SLAIN1: variants seen among roughly 807,000 people sequenced by gnomAD.
The protein encoded by SLAIN1 is SLAIN family member 1.
Under a neutral mutation model 55.4 loss-of-function variants are expected in SLAIN1, and 17 were observed. The ratio of observed to expected loss-of-function variants is 0.31; its 90% CI spans 0.21 to 0.46. The LOEUF (loss-of-function observed/expected upper bound fraction) is 0.46, where lower values mean the gene tolerates loss of function less well. SLAIN1 is among the 20% of genes least tolerant of loss of function. The pLI is 1.00. For missense variants in SLAIN1, 682 were observed against 785.1 expected (o/e 0.87, Z 1.57); for synonymous variants, 348 against 337.4 (o/e 1.03, Z -0.35).
rs2154409966 is a variant in SLAIN1, at chr13:77,729,659, A to G, written c.766+9988A>G. 2.6e-5 allele frequency among the ~76,000 whole-genome samples: 4 copies of G among 152,272 alleles called. No homozygotes were observed. In the South Asian group the frequency reaches 8.3e-4, roughly 32 times the overall value. On this transcript the variant is annotated intron_variant, in intron 2 of 6. Transcript: ENST00000418532. Reference sequence around the variant, plus strand: ...AATGTGTTGAGTACTTATTAGGTACAGTCAGTGCTAAATACAGGGTGCAGT... The same window carrying G: ...AATGTGTTGAGTACTTATTAGGTACGGTCAGTGCTAAATACAGGGTGCAGT...
At chr13:77,729,058 C>T (rs1566231777) in intron 2 of SLAIN1, among the ~76,000 whole-genome samples, 1 of 152,164 alleles carries the variant, frequency 6.6e-6, no homozygotes, top group Non-Finnish European at 1.5e-5. Flanking sequence ...TGTGGGATTT[C>T]ATCACATCTT....
intron 4 of SLAIN1, among the ~76,000 whole-genome samples, chr13:77,748,210 A>G (rs1247592959): frequency 6.6e-6 from 1 of 151,900 alleles, no homozygotes; most frequent in Admixed American, 6.6e-5. Flanking sequence ...GAAATATTTA[A>G]AATTTTGTAT....
chr13:77,718,617 T>G (rs2091230953), intron 1 of SLAIN1, among the ~76,000 whole-genome samples: 1 of 152,212 alleles, frequency 6.6e-6, no homozygotes, highest in Non-Finnish European at 1.5e-5. Context: ...GAATATGTGC[T>G]TATTAGAATT....
intron 2 of SLAIN1, among the ~76,000 whole-genome samples, chr13:77,729,550 A>C (rs2091338126): frequency 6.7e-6 from 1 of 150,038 alleles, no homozygotes; most frequent in Admixed American, 6.7e-5. Flanking sequence ...TGGGACCTCT[A>C]CAGAATAGTC....
chr13:77,737,878 A>T (rs1594278826), intron 2 of SLAIN1, among the ~76,000 whole-genome samples: 1 of 152,198 alleles, frequency 6.6e-6, no homozygotes, highest in Non-Finnish European at 1.5e-5. Context: ...AGAGGAGAAC[A>T]GTCACCATAT....
Position 77,719,556 on chromosome 13 carries a change from G to T in SLAIN1, c.651G>T (p.Thr217=), listed in dbSNP as rs745569718. The change falls in exon 2 of 7, where the codon ACG becomes ACT. Residue 217 remains threonine (T), a synonymous_variant. Transcript: ENST00000418532. ...YTWLYIGSSK[T]FTSSEKSLTP... ...GGTTATACATTGGCTCTTCAAAGAC[G>T]TTCACCTCATCAGAGAAATCCCTGA... is the stretch of plus-strand genomic sequence containing the variant. 1.2e-6 allele frequency: 2 copies of T among 1,612,708 alleles called. No individual in the cohort carries two copies. The highest frequency in any genetic ancestry group is 1.3e-5 in the African/African-American group (1 of 74,822).
chr13:77,717,660 G>T (rs2091221378), intron 1 of SLAIN1, among the ~76,000 whole-genome samples: 1 of 152,074 alleles, frequency 6.6e-6, no homozygotes, highest in Non-Finnish European at 1.5e-5. Flanking sequence ...GATTGTGTCT[G>T]GGGCGTGGGC....
intron 4 of SLAIN1, 142 bp from the exon 5 acceptor site, chr13:77,753,061 T>C: frequency 1.3e-6 from 1 of 754,660 alleles, no homozygotes; most frequent in Non-Finnish European, 2.0e-6. Context: ...TCCTGTACAA[T>C]AGGTTAGAAA....
chr13:77,699,257 T>A lies in SLAIN1; in HGVS notation c.626+718T>A, dbSNP rs556579738. ...GACTTTTTTATTTATTTATTTATTT[T>A]TTTACCTAGGAACCAACGAACTGTC... On this transcript the variant is annotated intron_variant, in intron 1 of 6. Coordinates refer to ENST00000418532, the MANE Select transcript of SLAIN1 (RefSeq NM_001242868.2). The A allele has an allele frequency of 4.5e-4, 165 of 364,764 alleles. 2 individuals are homozygous for A. The highest frequency in any genetic ancestry group is 5.7e-4 in the Non-Finnish European group (116 of 204,812). 22.6% of individuals were successfully genotyped at this position (364,764 alleles called of 1,614,324 possible). A position where few individuals can be genotyped will look rare whatever the true frequency, so the allele number is the denominator to read the frequency against.
At chr13:77,699,142 G>C (rs1202241251) in intron 1 of SLAIN1, 1 of 1,359,316 alleles carries the variant, frequency 7.4e-7, no homozygotes, top group Non-Finnish European at 1.0e-6. Context: ...AGACTGACTT[G>C]CTTTTTAAAA....
chr13:77,741,125 C>T (rs1566238087), intron 2 of SLAIN1: 2 of 984,570 alleles, frequency 2.0e-6, no homozygotes, highest in South Asian at 9.4e-5. Flanking sequence ...TGATGTGCTG[C>T]CGCCCGCATC....
At chr13:77,745,209 A>T (rs945560039) in intron 3 of SLAIN1, among the ~76,000 whole-genome samples, 14 of 151,886 alleles carry the variant, frequency 9.2e-5, no homozygotes, top group African/African-American at 3.4e-4. Context: ...ATACAGCTTA[A>T]TACTCTCTCT....
At chr13:77,726,864 A>G (rs1037050621) in intron 2 of SLAIN1, among the ~76,000 whole-genome samples, 1 of 152,092 alleles carries the variant, frequency 6.6e-6, no homozygotes, top group Admixed American at 6.6e-5. Context: ...CCTCTTTTAC[A>G]TTTGTATTTA....
intron 1 of SLAIN1, among the ~76,000 whole-genome samples, chr13:77,717,514 T>C (rs1221489726): frequency 6.6e-6 from 1 of 152,148 alleles, no homozygotes; most frequent in Non-Finnish European, 1.5e-5. Context: ...TTTTAACTTA[T>C]TTGTTTGCCC....
chr13:77,698,302 G>A lies in SLAIN1; in HGVS notation c.389G>A (p.Ser130Asn). Residue 130 changes from serine (S) to asparagine (N), a missense_variant, in exon 1 of 7, where the codon AGC becomes AAC. This residue lies in a region of SLAIN1 where 401 missense variants were observed against 417.3 expected (regional missense o/e 0.96). Transcript: ENST00000418532. This position sits in a 1 kb window ranked among gnomAD's most constrained non-coding sequence, Gnocchi z 4.1. The stretch of plus-strand genomic sequence containing the variant: ...TTCCCGGGCACCTTCTGCCTGCCTA[G>A]CCCCGCGCCCTCCCTGCTTTGCAGC... ...PAFPGTFCLP[S>N]PAPSLLCSLA... The A allele has an allele frequency of 6.9e-7, 1 of 1,443,374 alleles. No individual in the cohort carries two copies. Among genetic ancestry groups the A allele is most frequent in the Non-Finnish European group, 9.1e-7 (1 of 1,099,644 alleles). The allele number at this position is 1,443,374 out of a possible 1,614,324, so 89.4% of individuals were successfully genotyped here.
At chr13:77,708,349 G>C (rs2091111031) in intron 1 of SLAIN1, among the ~76,000 whole-genome samples, 1 of 152,220 alleles carries the variant, frequency 6.6e-6, no homozygotes, top group Admixed American at 6.5e-5. Context: ...CAGCAGAAGA[G>C]ATCAGCAATT....
intron 1 of SLAIN1, chr13:77,699,029 C>G (rs192667327): frequency 3.9e-6 from 6 of 1,535,386 alleles, no homozygotes; most frequent in Non-Finnish European, 5.2e-6. Context: ...TCGGAAGCCG[C>G]GCAGTGATGG....
Position 77,725,433 on chromosome 13 carries a change from C to T in SLAIN1, c.766+5762C>T, listed in dbSNP as rs537999768. On this transcript the variant is annotated intron_variant, in intron 2 of 6. Transcript: ENST00000418532. ...GGGTAAAGCTACCCTCTCCTTTTCA[C>T]CCTCTTCCTCTCTGCATTATGCTTT... 4.6e-5 allele frequency among the ~76,000 whole-genome samples: 7 copies of T among 152,298 alleles called. No homozygotes were observed. The South Asian group carries it at 1.0e-3, about 23-fold the overall frequency.
intron 2 of SLAIN1, chr13:77,741,719 A>T (rs952317425): frequency 1.0e-4 from 13 of 124,718 alleles, no homozygotes; most frequent in East Asian, 4.6e-4. Context: ...GGAGCTGATT[A>T]TTTTCTTGAC....
Sources: gnomAD v4.1 joint callset for allele counts (sites outside exome capture counted in the v4.1 genomes callset) on GRCh38, gnomAD v4.1.1 for gene constraint, gnomAD v4.1.1 regional missense constraint, Gnocchi (gnomAD v3.1) non-coding constraint, MANE v1.5 for transcripts, NCBI Gene and HGNC (gene_info 2026-07-23, HGNC 2026-07-21) for gene names.